The following DNMT1 variants were observed in gnomAD, a reference collection of about 807,000 sequenced individuals.
DNMT1 encodes the protein DNA (cytosine-5)-methyltransferase 1.
DNMT1 carries 24 observed loss-of-function variants against 205.3 expected under a neutral mutation model. The observed-to-expected ratio is 0.12, with a 90% confidence interval of 0.08 to 0.16. The LOEUF (loss-of-function observed/expected upper bound fraction) is 0.16, where lower values mean the gene tolerates loss of function less well. Ranked by LOEUF, DNMT1 falls within the 10% of genes least tolerant of loss-of-function variation. DNMT1 has a pLI of 1.00. For missense variants in DNMT1, 1,293 were observed against 2,177.7 expected, an observed-to-expected ratio of 0.59 and a Z score of 8.09; for synonymous variants, 817 against 839.8, an observed-to-expected ratio of 0.97 and a Z score of 0.47.
rs935294813 is a variant in DNMT1 at position 10,156,004 on chromosome 19, C to A, written c.1400-59G>T. On this transcript the variant is annotated intron_variant, in intron 18 of 40. Coordinates refer to ENST00000359526, the MANE Select transcript of DNMT1 (RefSeq NM_001130823.3). The surrounding 1 kb of genome is among the most constrained non-coding windows in gnomAD (Gnocchi z 4.2). ...TGACTCACATCCCAAACCCAGGAGG[C>A]GCTCTAAGCGCCCACTCAGCAGACA... 1.3e-5 allele frequency: 20 copies of A among 1,549,016 alleles called. No individual in the cohort carries two copies. Among genetic ancestry groups the A allele is most frequent in the Non-Finnish European group, 1.6e-5 (18 of 1,136,266 alleles).
chr19:10,172,644 T>A (rs1366886286), intron 9 of DNMT1, among the ~76,000 whole-genome samples: 1 of 151,710 alleles, frequency 6.6e-6, no homozygotes, highest in Non-Finnish European at 1.5e-5. Flanking sequence ...GCCAACACAG[T>A]GAAACCCCAT....
rs78789647 is a variant in DNMT1, at chr19:10,182,225, C to T, written c.81-148G>A. 30,583 of 779,954 alleles carry T rather than the reference C, an allele frequency of 0.039. 825 individuals carry two copies. The highest frequency in any genetic ancestry group is 0.071 in the Admixed American group (3,388 of 47,452). 48.3% of individuals were successfully genotyped at this position (779,954 alleles called of 1,614,324 possible). The stretch of plus-strand genomic sequence containing the variant: ...AAAACTAAGCTGGCTTTTGTCTCCC[C>T]GCAAGAGTCTAGAGTGTCCTACTGG... On this transcript the variant is annotated intron_variant, in intron 1 of 40. Coordinates refer to ENST00000359526, the MANE Select transcript of DNMT1 (RefSeq NM_001130823.3).
Position 10,138,446 on chromosome 19 carries a change from T to C in DNMT1, c.4108A>G (p.Ile1370Val). Residue 1370 changes from isoleucine (I) to valine (V), a missense_variant, in exon 35 of 41, where the codon ATA (isoleucine) becomes GTA (valine). Physicochemically the swap from Ile to Val is conservative, Grantham distance 29. Coordinates refer to ENST00000359526, the MANE Select transcript of DNMT1 (RefSeq NM_001130823.3). This position sits in a 1 kb window ranked among gnomAD's most constrained non-coding sequence, Gnocchi z 4.1. ...GCGACGGGGGCCACCTACCTGGTTA[T>C]GTTGCTCACAAACTTCTTGTCATCC... is the stretch of plus-strand genomic sequence containing the variant. ...VVDDKKFVSN[I>V]TRLSSGPFRT... 6.2e-7 allele frequency: 1 copy of C among 1,613,988 alleles called. No homozygotes were observed. Among genetic ancestry groups the C allele is most frequent in the Non-Finnish European group, 8.5e-7 (1 of 1,180,034 alleles).
At chr19:10,161,133 T>C (rs1265417608) in intron 13 of DNMT1, among the ~76,000 whole-genome samples, 1 of 152,104 alleles carries the variant, frequency 6.6e-6, no homozygotes, top group Non-Finnish European at 1.5e-5. Context: ...GGTGAAACCC[T>C]GTCTCTACTA....
chr19:10,140,943 C>T lies in DNMT1; in HGVS notation c.3395-34G>A. The T allele has an allele frequency of 6.2e-7, 1 of 1,613,786 alleles. No homozygotes were observed. Among genetic ancestry groups the T allele is most frequent in the East Asian group, 2.2e-5 (1 of 44,880 alleles). ...GAGAGGCCAGAGGCTAAACCCGATC[C>T]TCAGAGTCCAAGTCCACCTTGCTCT... On this transcript the variant is annotated intron_variant, in intron 31 of 40. Transcript: ENST00000359526. The surrounding 1 kb of genome is among the most constrained non-coding windows in gnomAD (Gnocchi z 8.4).
rs967728147 is a variant in DNMT1, at chr19:10,161,831, A to G, written c.1008+836T>C. On this transcript the variant is annotated intron_variant, in intron 13 of 40. Transcript: ENST00000359526. ...AGGTGGGGCCCCATCCAATAAGACC[A>G]ATGTCCTTGTATTTTTTGTTGTTGG... Among the ~76,000 whole-genome samples the G allele has an allele frequency of 6.6e-5, 10 of 151,978 alleles. 1 individual carries two copies. The South Asian group carries it at 8.3e-4, about 13-fold the overall frequency.
intron 9 of DNMT1, among the ~76,000 whole-genome samples, chr19:10,170,405 G>A (rs1380465496): frequency 6.6e-6 from 1 of 152,112 alleles, no homozygotes; most frequent in East Asian, 1.9e-4. Flanking sequence ...TTGGGAGGCC[G>A]AGGCGGGTGG....
chr19:10,164,634 A>AACAAACAG (rs998503477), intron 11 of DNMT1, among the ~76,000 whole-genome samples: 14 of 151,706 alleles, frequency 9.2e-5, no homozygotes, highest in Non-Finnish European at 1.5e-5. Context: ...CAAACAAACA[A>AACAAACAG]ACAAACAAAC....
intron 1 of DNMT1, among the ~76,000 whole-genome samples, chr19:10,190,163 A>G (rs1363006944): frequency 6.6e-6 from 1 of 152,172 alleles, no homozygotes; most frequent in Admixed American, 6.6e-5. Context: ...ACCTAGCTTA[A>G]TCCCATCACA....
rs2089518690 is a variant in DNMT1 at position 10,137,740 on chromosome 19, A to G, written c.4293+92T>C. ...GAGGAGGAGCCTGGGATCAGATTCC[A>G]TGTCTCCCCTGAGTCTTGGGCAGGC... On this transcript the variant is annotated intron_variant, in intron 36 of 40. Transcript: ENST00000359526. The surrounding 1 kb of genome is among the most constrained non-coding windows in gnomAD (Gnocchi z 6.4). 2.0e-6 allele frequency: 3 copies of G among 1,512,446 alleles called. No individual in the cohort carries two copies. Among genetic ancestry groups the G allele is most frequent in the East Asian group, 2.4e-5 (1 of 41,592 alleles). 93.7% of individuals were successfully genotyped at this position (1,512,446 alleles called of 1,614,324 possible).
intron 19 of DNMT1, 137 bp from the exon 20 acceptor site, chr19:10,155,193 G>A: frequency 9.2e-6 from 11 of 1,195,058 alleles, no homozygotes; most frequent in Non-Finnish European, 1.3e-5. Context: ...GAAACATAGG[G>A]CACAACACAT....
At chr19:10,148,331 C>A (rs2038249585) in intron 27 of DNMT1, among the ~76,000 whole-genome samples, 1 of 149,378 alleles carries the variant, frequency 6.7e-6, no homozygotes, top group Admixed American at 6.6e-5. Flanking sequence ...CTCGTCTCTA[C>A]TAAAAATACA....
chr19:10,150,423 C>A (rs1397953454), intron 24 of DNMT1, among the ~76,000 whole-genome samples: 2 of 152,212 alleles, frequency 1.3e-5, no homozygotes, highest in African/African-American at 4.8e-5. Context: ...GTGGCTAGGT[C>A]CTACCTGACC....
intron 6 of DNMT1, 139 bp downstream of exon 6, chr19:10,177,153 A>G (rs2038952584): frequency 2.6e-6 from 2 of 762,000 alleles, no homozygotes; most frequent in African/African-American, 1.8e-5. Context: ...AATGCTATTC[A>G]TAAATGTCTA....
At chr19:10,168,472 GGTGGGAGTAAAGAC>G in intron 9 of DNMT1, 108 bp from the exon 10 acceptor site, 3 of 1,175,008 alleles carry the variant, frequency 2.6e-6, no homozygotes, top group Non-Finnish European at 3.8e-6. Flanking sequence ...AGAGTCCACT[GGTGGGAGTAAAGAC>G]TGTCTACCAG....
At position 10,173,125 on chromosome 19, in the gene DNMT1, T is replaced by C. The variant is rs1211520360; in HGVS notation, c.733A>G (p.Thr245Ala). 1 of 1,614,196 alleles carries C rather than the reference T, an allele frequency of 6.2e-7. No homozygotes were observed. The highest frequency in any genetic ancestry group is 1.1e-5 in the South Asian group (1 of 91,088). Residue 245 changes from threonine to alanine, a missense_variant, in exon 9 of 41, where the codon ACG becomes GCG. Coordinates refer to ENST00000359526, the MANE Select transcript of DNMT1 (RefSeq NM_001130823.3). Reference protein sequence around the residue: ...AEEPERAKSGTRTEKEEERDE... With the variant: ...AEEPERAKSGARTEKEEERDE... ...CTTTCTTCTTCCTTTTCAGTGCGCGTTCCTGATTTTGCTCTTTCAGGTTCT... is the reference window on the plus strand; with the variant it reads ...CTTTCTTCTTCCTTTTCAGTGCGCGCTCCTGATTTTGCTCTTTCAGGTTCT...
intron 4 of DNMT1, 39 bp from the exon 5 acceptor site, chr19:10,180,273 C>T (rs2039019957): frequency 1.3e-6 from 2 of 1,562,770 alleles, no homozygotes; most frequent in Non-Finnish European, 1.7e-6. Context: ...GGTTACACCA[C>T]TGTGCTCCAG....
chr19:10,170,385 TC>T (rs1352489072), intron 9 of DNMT1, among the ~76,000 whole-genome samples: 4 of 150,302 alleles, frequency 2.7e-5, no homozygotes, highest in Admixed American at 2.7e-4. Flanking sequence ...ACGCCTGTAA[TC>T]CCAGCACTTT....
In DNMT1 at chr19:10,137,982, G is replaced by A. The variant is rs773693230; in HGVS notation, c.4143C>T (p.Ile1381=). ...GGTCGGACATCGTGTCTCGCACCGTGATGGTCCGGAAAGGACCCGAGCTCA... is the reference window on the plus strand; with the variant it reads ...GGTCGGACATCGTGTCTCGCACCGTAATGGTCCGGAAAGGACCCGAGCTCA... ...TRLSSGPFRT[I]TVRDTMSDLP... The change falls in exon 36 of 41, where the codon ATC becomes ATT. Residue 1381 remains isoleucine (I), a synonymous_variant. Coordinates refer to ENST00000359526, the MANE Select transcript of DNMT1 (RefSeq NM_001130823.3). The surrounding 1 kb of genome is among the most constrained non-coding windows in gnomAD (Gnocchi z 6.4). The A allele has an allele frequency of 1.2e-6, 2 of 1,611,588 alleles. No individual in the cohort carries two copies. Among genetic ancestry groups the A allele is most frequent in the South Asian group, 1.1e-5 (1 of 90,610 alleles).
Sources: gnomAD v4.1 joint callset for allele counts (sites outside exome capture counted in the v4.1 genomes callset) on GRCh38, gnomAD v4.1.1 for gene constraint, Gnocchi (gnomAD v3.1) non-coding constraint, MANE v1.5 for transcripts, NCBI Gene and HGNC (gene_info 2026-07-23, HGNC 2026-07-21) for gene names.